KCNQ3: variants seen among roughly 807,000 people sequenced by gnomAD.
KCNQ3 encodes potassium voltage-gated channel subfamily KQT member 3.
KCNQ3 carries 30 observed loss-of-function variants against 92.5 expected under a neutral mutation model. That is an observed-to-expected ratio of 0.32 (90% confidence interval 0.24 to 0.44). The LOEUF (loss-of-function observed/expected upper bound fraction) is 0.44, where lower values mean the gene tolerates loss of function less well. Ranked by LOEUF, KCNQ3 falls within the 20% of genes least tolerant of loss-of-function variation. KCNQ3 has a pLI of 1.00. For synonymous variants in KCNQ3, 450 were observed against 468.8 expected, an observed-to-expected ratio of 0.96 and a Z score of 0.52; for missense variants, 913 against 1,140.3, an observed-to-expected ratio of 0.80 and a Z score of 2.87.
At chr8:132,155,847 C>A (rs1412085003) in intron 9 of KCNQ3, among the ~76,000 whole-genome samples, 2 of 152,082 alleles carry the variant, frequency 1.3e-5, no homozygotes, top group African/African-American at 4.8e-5. Context: ...ACAGATAAAG[C>A]AAGGAGGAAG....
chr8:132,440,763 A>T (rs552474224), intron 1 of KCNQ3, among the ~76,000 whole-genome samples: 1 of 152,314 alleles, frequency 6.6e-6, no homozygotes, highest in East Asian at 1.9e-4. Context: ...TCTTCCTGCA[A>T]CACAGACAGA....
chr8:132,181,996 G>C (rs1055639087), intron 3 of KCNQ3, among the ~76,000 whole-genome samples: 12 of 149,588 alleles, frequency 8.0e-5, no homozygotes, highest in African/African-American at 3.0e-4. Flanking sequence ...AGTGAGCCGA[G>C]ATCGTGCCAC....
intron 1 of KCNQ3, among the ~76,000 whole-genome samples, chr8:132,322,315 A>G (rs1265271660): frequency 1.3e-5 from 2 of 152,204 alleles, no homozygotes; most frequent in Non-Finnish European, 2.9e-5. Context: ...TCATTTGGAA[A>G]GAAATCAATG....
intron 8 of KCNQ3, among the ~76,000 whole-genome samples, chr8:132,165,921 A>T (rs1826130778): frequency 6.6e-6 from 1 of 152,240 alleles, no homozygotes; most frequent in African/African-American, 2.4e-5. Flanking sequence ...AGTATGTATG[A>T]AAGCAGATCC....
intron 1 of KCNQ3, among the ~76,000 whole-genome samples, chr8:132,325,500 C>G (rs1435638091): frequency 6.6e-6 from 1 of 152,082 alleles, no homozygotes; most frequent in Non-Finnish European, 1.5e-5. Context: ...TTTCTAAAGA[C>G]GTCATTAAGT....
chr8:132,402,576 T>C (rs576305305), intron 1 of KCNQ3, among the ~76,000 whole-genome samples: 2 of 152,314 alleles, frequency 1.3e-5, no homozygotes, highest in East Asian at 3.9e-4. Context: ...TGGTTTCTAA[T>C]AGGTGGAGCA....
At chr8:132,167,695 C>T (rs1210773586) in intron 8 of KCNQ3, among the ~76,000 whole-genome samples, 1 of 152,204 alleles carries the variant, frequency 6.6e-6, no homozygotes, top group African/African-American at 2.4e-5. Context: ...GAAATATATT[C>T]TCTTAGTTTA....
intron 1 of KCNQ3, among the ~76,000 whole-genome samples, chr8:132,420,336 A>T (rs539353735): frequency 1.1e-4 from 16 of 152,262 alleles, no homozygotes; most frequent in South Asian, 4.1e-4. Context: ...AAGGGAAGGA[A>T]TATTTGGGTG....
intron 8 of KCNQ3, among the ~76,000 whole-genome samples, chr8:132,166,440 C>T (rs1216073421): frequency 6.6e-6 from 1 of 152,184 alleles, no homozygotes; most frequent in Admixed American, 6.5e-5. Context: ...CAGCATCTTC[C>T]TGTACCCCCT....
At chr8:132,132,434 A>G (rs1019801590) in intron 13 of KCNQ3, among the ~76,000 whole-genome samples, 170 bp from the exon 14 acceptor site, 1 of 152,274 alleles carries the variant, frequency 6.6e-6, no homozygotes, top group East Asian at 1.9e-4. Flanking sequence ...AGGAAAAGTC[A>G]GAGTTTTTCT....
chr8:132,196,213 A>G (rs1827293739), intron 1 of KCNQ3, among the ~76,000 whole-genome samples: 2 of 152,168 alleles, frequency 1.3e-5, no homozygotes, highest in South Asian at 4.1e-4. Context: ...GCTCAGCTCA[A>G]ATGTCACCTC....
chr8:132,186,240 T>C (rs1826952472), intron 1 of KCNQ3, 59 bp from the exon 2 acceptor site: 2 of 1,247,412 alleles, frequency 1.6e-6, no homozygotes, highest in Admixed American at 3.5e-5. Context: ...GCTTTGAGGC[T>C]AAGATGGGGA....
At chr8:132,208,855 G>T (rs776155843) in intron 1 of KCNQ3, among the ~76,000 whole-genome samples, 7 of 152,154 alleles carry the variant, frequency 4.6e-5, no homozygotes, top group Non-Finnish European at 7.3e-5. Flanking sequence ...CACATAGGAG[G>T]CTTTCAGCTC....
At chr8:132,410,006 G>A (rs980738650) in intron 1 of KCNQ3, among the ~76,000 whole-genome samples, 1 of 152,162 alleles carries the variant, frequency 6.6e-6, no homozygotes, top group East Asian at 1.9e-4. Context: ...GTGTGCACCT[G>A]TAGTCCCAGC....
chr8:132,243,958 C>T (rs533250873), intron 1 of KCNQ3, among the ~76,000 whole-genome samples: 4 of 152,280 alleles, frequency 2.6e-5, no homozygotes, highest in East Asian at 1.9e-4. Flanking sequence ...TCAATGGCAA[C>T]GAGCATTCAC....
At chr8:132,425,294 GC>G (rs1256351111) in intron 1 of KCNQ3, among the ~76,000 whole-genome samples, 1 of 152,210 alleles carries the variant, frequency 6.6e-6, no homozygotes, top group Non-Finnish European at 1.5e-5. Context: ...TATACACATT[GC>G]CTTTCATCCT....
rs1563756737 is a variant in KCNQ3, at chr8:132,123,629, C to T, written c.*5633G>A. The T allele has an allele frequency of 6.6e-6, 1 of 152,152 alleles. No homozygotes were observed. The highest frequency in any genetic ancestry group is 1.5e-5 in the Non-Finnish European group (1 of 68,032). The allele number at this position is 152,152 out of a possible 1,614,324, so 9.4% of individuals were successfully genotyped here. A position where few individuals can be genotyped will look rare whatever the true frequency, so the allele number is the denominator to read the frequency against. ...AACATCTGGAGCAAAGATCAGAAGA[C>T]CTGAGTTCCAGATTTATTCTGTGAC... is the stretch of plus-strand genomic sequence containing the variant. On this transcript the variant is annotated 3_prime_UTR_variant, in exon 15 of 15. Transcript: ENST00000388996.
In KCNQ3 at chr8:132,189,057, T is replaced by C. The variant is rs544253738; in HGVS notation, c.387-2876A>G. ...CTTTTATGATCTAGCCTTGCCCTCC[T>C]CACAGCCTTGTCATCTCCCGCTGCT... On this transcript the variant is annotated intron_variant, in intron 1 of 14. Coordinates refer to ENST00000388996, the MANE Select transcript of KCNQ3 (RefSeq NM_004519.4). 2.0e-5 allele frequency among the ~76,000 whole-genome samples: 3 copies of C among 152,324 alleles called. No individual in the cohort carries two copies. In the South Asian group the frequency reaches 6.2e-4, roughly 32 times the overall value.
chr8:132,155,984 G>A (rs910609309), intron 9 of KCNQ3, among the ~76,000 whole-genome samples: 2 of 152,208 alleles, frequency 1.3e-5, no homozygotes, highest in Non-Finnish European at 2.9e-5. Context: ...TGAACTCGAA[G>A]GCCTGTTTGG....
Sources: allele counts gnomAD v4.1 joint callset (sites outside exome capture counted in the v4.1 genomes callset), GRCh38; gene constraint gnomAD v4.1.1; transcripts MANE v1.5; gene names NCBI Gene and HGNC (gene_info 2026-07-23, HGNC 2026-07-21).